The following OGG1 variants were observed in gnomAD, a reference collection of about 807,000 sequenced individuals.
OGG1 encodes the protein 8-oxoguanine DNA glycosylase, also known as N-glycosylase/DNA lyase.
Under a neutral mutation model 42.3 loss-of-function variants are expected in OGG1, and 35 were observed. The ratio of observed to expected loss-of-function variants is 0.83; its 90% CI spans 0.63 to 1.10. The LOEUF (loss-of-function observed/expected upper bound fraction) is 1.10, where lower values mean the gene tolerates loss of function less well. Among genes scored for constraint, OGG1 ranks in the 50% least tolerant of loss-of-function variants. The pLI is 0.00. For missense variants in OGG1, 484 were observed against 446.7 expected, an observed-to-expected ratio of 1.08 and a Z score of -0.75; for synonymous variants, 189 against 179.0, an observed-to-expected ratio of 1.06 and a Z score of -0.44.
At position 9,757,232 on chromosome 3, in the gene OGG1, C is replaced by T; in HGVS notation, c.*82C>T. On this transcript the variant is annotated 3_prime_UTR_variant, in exon 7 of 7. Coordinates refer to ENST00000344629, the MANE Select transcript of OGG1 (RefSeq NM_002542.6). The surrounding 1 kb of genome is among the most constrained non-coding windows in gnomAD (Gnocchi z 4.5). ...CTCTCTCCCCATCCCCACCCAGTCT[C>T]ATGTTGGGGAGGGGCCTCCCTGTGA... The T allele has an allele frequency of 6.2e-7, 1 of 1,613,942 alleles. No homozygotes were observed. The highest frequency in any genetic ancestry group is 8.5e-7 in the Non-Finnish European group (1 of 1,179,888).
intron 2 of OGG1, among the ~76,000 whole-genome samples, chr3:9,771,974 G>A (rs1275896973): frequency 6.6e-6 from 1 of 151,776 alleles, no homozygotes; most frequent in East Asian, 1.9e-4. Flanking sequence ...GAACCAACAC[G>A]CCCAACTAAT....
At chr3:9,753,435 G>A (rs552415652) in intron 3 of OGG1, among the ~76,000 whole-genome samples, 63 of 151,744 alleles carry the variant, frequency 4.2e-4, no homozygotes, top group African/African-American at 1.3e-3. Context: ...GGTGGATCAC[G>A]AGGTCAGGAG....
chr3:9,787,838 T>C, exon 4 of OGG1: 1 of 646,208 alleles, frequency 1.5e-6, no homozygotes, highest in Non-Finnish European at 2.4e-6. Context: ...AAAGAGTGCT[T>C]TGGTGGAGGT....
chr3:9,789,842 G>A (rs1359505073), downstream of OGG1: 1 of 1,614,276 alleles, frequency 6.2e-7, no homozygotes, highest in Admixed American at 1.7e-5. Flanking sequence ...CCCATGTCCT[G>A]CCTTCCCTTC....
At chr3:9,759,212 T>G (rs1385342580), downstream of OGG1, 6 of 1,614,060 alleles carry the variant, frequency 3.7e-6, no homozygotes, top group Non-Finnish European at 4.2e-6. Context: ...ACCACTTTTA[T>G]GACCTTTCTC....
chr3:9,786,308 C>T (rs907647829), intron 3 of OGG1, among the ~76,000 whole-genome samples: 3 of 152,148 alleles, frequency 2.0e-5, no homozygotes, highest in African/African-American at 7.2e-5. Context: ...ACTGCAAGGC[C>T]ACCGTCAGCT....
downstream of OGG1, among the ~76,000 whole-genome samples, chr3:9,766,908 A>G (rs1180846665): frequency 6.6e-6 from 1 of 152,070 alleles, no homozygotes; most frequent in Non-Finnish European, 1.5e-5. Flanking sequence ...CCGGTGGCCT[A>G]TGGGACAATA....
At chr3:9,766,725 A>G (rs915268676) in exon 8 of OGG1, 14 of 754,142 alleles carry the variant, frequency 1.9e-5, no homozygotes, top group Non-Finnish European at 2.3e-5. Context: ...ATAAGAAGTC[A>G]TAAGTCAAAG....
Position 9,750,600 on chromosome 3 carries a change from G to C in OGG1, c.137+177G>C, listed in dbSNP as rs1190484606. 2.1e-5 allele frequency: 18 copies of C among 861,648 alleles called. No individual in the cohort carries two copies. The Admixed American group carries it at 3.9e-4, about 19-fold the overall frequency. 53.4% of individuals were successfully genotyped at this position (861,648 alleles called of 1,614,324 possible). ...TTAATATGTCTGTACAGTGATAATTGTAAGGATCCAGCGGTATAACCGATG... is the reference window on the plus strand; with the variant it reads ...TTAATATGTCTGTACAGTGATAATTCTAAGGATCCAGCGGTATAACCGATG... On this transcript the variant is annotated intron_variant, in intron 1 of 6. Transcript: ENST00000344629.
chr3:9,771,804 C>G (rs1313663923), intron 2 of OGG1, among the ~76,000 whole-genome samples: 1 of 137,620 alleles, frequency 7.3e-6, no homozygotes, highest in Non-Finnish European at 1.6e-5. Flanking sequence ...AGGACTTGTA[C>G]AACTTCTTTT....
At chr3:9,789,400 G>C, downstream of OGG1, 1 of 990,584 alleles carries the variant, frequency 1.0e-6, no homozygotes, top group South Asian at 1.6e-5. Flanking sequence ...ACAGCAGACT[G>C]GGCAGGGTTG....
Position 9,750,006 on chromosome 3 carries a change from C to A in OGG1, c.-281C>A. On this transcript the variant is annotated 5_prime_UTR_variant, in exon 1 of 7. Transcript: ENST00000344629. Reference sequence around the variant, plus strand: ...CCAGAAGAACACAGCTGTGCGCGCCCACAGGCTCTGGGGGCGGGAGAAGAT... The same window carrying A: ...CCAGAAGAACACAGCTGTGCGCGCCAACAGGCTCTGGGGGCGGGAGAAGAT... 2.0e-6 allele frequency: 1 copy of A among 502,450 alleles called. No homozygotes were observed. The highest frequency in any genetic ancestry group is 3.6e-6 in the Non-Finnish European group (1 of 279,150). 31.1% of individuals were successfully genotyped at this position (502,450 alleles called of 1,614,324 possible). A position where few individuals can be genotyped will look rare whatever the true frequency, so the allele number is the denominator to read the frequency against.
chr3:9,786,884 C>A lies in OGG1; in HGVS notation c.383-844C>A, dbSNP rs917985736. On this transcript the variant is annotated intron_variant, in intron 3 of 3. Transcript: ENST00000426518. Reference sequence around the variant, plus strand: ...TGCTATATATTAGTCCAGGTTTTTACTTTTGCACCAACCTATTTTTGCACC... The same window carrying A: ...TGCTATATATTAGTCCAGGTTTTTAATTTTGCACCAACCTATTTTTGCACC... The A allele has an allele frequency of 2.4e-5, 21 of 881,270 alleles. No individual in the cohort carries two copies. The African/African-American group carries it at 3.2e-4, about 13-fold the overall frequency. The allele number at this position is 881,270 out of a possible 1,614,324, so 54.6% of individuals were successfully genotyped here.
downstream of OGG1, chr3:9,761,490 G>A (rs1355627570): frequency 1.9e-6 from 3 of 1,613,238 alleles, no homozygotes; most frequent in Admixed American, 5.0e-5. Flanking sequence ...CTATGGACCA[G>A]CAATCCACAG....
downstream of OGG1, among the ~76,000 whole-genome samples, chr3:9,770,601 G>A (rs1189961114): frequency 6.6e-6 from 1 of 152,158 alleles, no homozygotes; most frequent in Non-Finnish European, 1.5e-5. Context: ...TGGGGAGGAG[G>A]AAGTTAAATC....
At chr3:9,754,409 GT>G (rs1431769320) in intron 3 of OGG1, among the ~76,000 whole-genome samples, 1 of 152,162 alleles carries the variant, frequency 6.6e-6, no homozygotes, top group African/African-American at 2.4e-5. Flanking sequence ...TTTCGGAAAG[GT>G]TAAGGAACTC....
downstream of OGG1, chr3:9,757,501 C>G: frequency 6.2e-7 from 1 of 1,605,192 alleles, no homozygotes; most frequent in Non-Finnish European, 8.5e-7. The surrounding 1 kb of genome is among the most constrained non-coding windows in gnomAD (Gnocchi z 4.5). Context: ...GCCCCCAAGC[C>G]CTCCCACGCA....
intron 3 of OGG1, among the ~76,000 whole-genome samples, chr3:9,782,010 A>G (rs1444859550): frequency 6.6e-6 from 1 of 151,382 alleles, no homozygotes; most frequent in Non-Finnish European, 1.5e-5. Context: ...GATTTTTAAA[A>G]ATTTTTAGTA....
chr3:9,767,784 G>T, downstream of OGG1: 1 of 1,612,688 alleles, frequency 6.2e-7, no homozygotes, highest in African/African-American at 1.3e-5. Flanking sequence ...CAGGGCTCCT[G>T]TAAGGAGAAT....
Sources: allele counts gnomAD v4.1 joint callset (sites outside exome capture counted in the v4.1 genomes callset), GRCh38; gene constraint gnomAD v4.1.1; non-coding constraint Gnocchi (gnomAD v3.1); transcripts MANE v1.5; gene names NCBI Gene and HGNC (gene_info 2026-07-23, HGNC 2026-07-21).